Variants in VDAC1 observed in about 807,000 individuals in gnomAD.
VDAC1 encodes non-selective voltage-gated ion channel VDAC1.
A neutral mutation model predicts 34.7 loss-of-function variants in VDAC1; 10 were observed. The ratio of observed to expected loss-of-function variants is 0.29; its 90% CI spans 0.18 to 0.49. The LOEUF (loss-of-function observed/expected upper bound fraction) is 0.49, where lower values mean the gene tolerates loss of function less well. Among genes scored for constraint, VDAC1 ranks in the 20% least tolerant of loss-of-function variants. The probability of loss-of-function intolerance (pLI) is 0.99; values close to 1 mark genes in which losing one functional copy is unlikely to be tolerated. For synonymous variants in VDAC1, 130 were observed against 136.0 expected, an observed-to-expected ratio of 0.96 and a Z score of 0.30; for missense variants, 230 against 347.9, an observed-to-expected ratio of 0.66 and a Z score of 2.69.
chr5:134,019,445 T>C, the VDAC1 span, among the ~76,000 whole-genome samples: 1 of 152,030 alleles, frequency 6.6e-6, no homozygotes, highest in African/African-American at 2.4e-5. Flanking sequence ...CCAGATATGG[T>C]GGTGAACACC....
At chr5:134,043,344 C>T in the VDAC1 span, among the ~76,000 whole-genome samples, 2 of 152,122 alleles carry the variant, frequency 1.3e-5, no homozygotes, top group Non-Finnish European at 2.9e-5. Flanking sequence ...AGCAAAGCAA[C>T]GTACTCCAGG....
the VDAC1 span, among the ~76,000 whole-genome samples, chr5:134,069,203 T>C: frequency 6.6e-6 from 1 of 152,070 alleles, no homozygotes; most frequent in Non-Finnish European, 1.5e-5. Context: ...AACAAAAACT[T>C]CAAAGGATCA....
chr5:134,096,518 T>C, the VDAC1 span, among the ~76,000 whole-genome samples: 1 of 152,236 alleles, frequency 6.6e-6, no homozygotes, highest in Non-Finnish European at 1.5e-5. Flanking sequence ...ATCTCTCCTT[T>C]ATCTAGCCAA....
upstream of VDAC1, among the ~76,000 whole-genome samples, chr5:134,008,181 A>G (rs1753786124): frequency 7.0e-6 from 1 of 143,668 alleles, no homozygotes; most frequent in Non-Finnish European, 1.5e-5. Context: ...GCAGGGATGG[A>G]CCAATGAGAC....
the VDAC1 span, among the ~76,000 whole-genome samples, chr5:134,047,199 A>G: frequency 1.3e-5 from 2 of 152,148 alleles, no homozygotes; most frequent in South Asian, 2.1e-4. Context: ...GGGTCATAGA[A>G]AGGGAACAAA....
chr5:134,104,367 G>A, the VDAC1 span, among the ~76,000 whole-genome samples: 3 of 152,246 alleles, frequency 2.0e-5, no homozygotes, highest in Non-Finnish European at 2.9e-5. Context: ...ATCCCTGAGC[G>A]GGTGAGAATC....
chr5:134,102,565 G>A, the VDAC1 span, among the ~76,000 whole-genome samples: 4 of 152,248 alleles, frequency 2.6e-5, no homozygotes, highest in African/African-American at 9.6e-5. Context: ...CTACTCGGGA[G>A]GCTGAGGCAG....
intron 6 of VDAC1, among the ~76,000 whole-genome samples, chr5:133,980,150 T>A (rs1427064238): frequency 6.6e-6 from 1 of 152,238 alleles, no homozygotes; most frequent in Non-Finnish European, 1.5e-5. Flanking sequence ...TAAAACAAGA[T>A]TCATGAATGA....
the VDAC1 span, among the ~76,000 whole-genome samples, chr5:134,092,799 A>G: frequency 6.6e-6 from 1 of 152,142 alleles, no homozygotes; most frequent in East Asian, 1.9e-4. Flanking sequence ...CAAAGGTATT[A>G]TACTTATAGG....
rs141501795 is a variant in VDAC1 at position 133,976,015 on chromosome 5, G to A, written c.558C>T (p.Asp186=). The change falls in exon 7 of 9, where the codon GAC becomes GAT. Residue 186 remains aspartate (D), a synonymous_variant. Transcript: ENST00000265333. The part of the protein sequence containing the change: ...DEFQLHTNVN[D]GTEFGGSIYQ... ...AAATGGAGCCGCCAAACTCTGTCCC[G>A]TCATTCCTGCAAACAAGCACAGGAC... 168 of 1,614,086 alleles carry A rather than the reference G, an allele frequency of 1.0e-4. No individual in the cohort carries two copies. In the African/African-American group the frequency reaches 1.2e-3, roughly 12 times the overall value.
At chr5:134,058,463 G>A in the VDAC1 span, among the ~76,000 whole-genome samples, 3 of 151,966 alleles carry the variant, frequency 2.0e-5, no homozygotes, top group African/African-American at 4.8e-5. Context: ...ACAGGCACCC[G>A]CCACCACACC....
chr5:134,090,582 T>C, the VDAC1 span, among the ~76,000 whole-genome samples: 1 of 152,120 alleles, frequency 6.6e-6, no homozygotes, highest in Non-Finnish European at 1.5e-5. Context: ...TTGGCTGTCC[T>C]CCCACCCTCA....
At chr5:133,987,430 CA>C in intron 5 of VDAC1, among the ~76,000 whole-genome samples, 1 of 152,248 alleles carries the variant, frequency 6.6e-6, no homozygotes, top group Admixed American at 6.5e-5. Flanking sequence ...GTAATCCCAA[CA>C]ATTTGGGAGG....
At chr5:134,008,902 T>G (rs1163794614), upstream of VDAC1, among the ~76,000 whole-genome samples, 1 of 152,148 alleles carries the variant, frequency 6.6e-6, no homozygotes, top group East Asian at 1.9e-4. Flanking sequence ...GTAGGAAGAA[T>G]CAAGATGGCG....
the VDAC1 span, among the ~76,000 whole-genome samples, chr5:134,104,730 C>A: frequency 7.9e-5 from 12 of 152,322 alleles, no homozygotes; most frequent in Non-Finnish European, 1.6e-4. Context: ...TGGGGAAACC[C>A]TTTAAGATGT....
chr5:133,976,522 GC>G (rs1350686462), intron 6 of VDAC1, among the ~76,000 whole-genome samples: 3 of 151,520 alleles, frequency 2.0e-5, no homozygotes, highest in African/African-American at 7.3e-5. Flanking sequence ...AAAAGAAAAA[GC>G]CAGGGGAGAG....
At chr5:134,026,262 C>T in the VDAC1 span, among the ~76,000 whole-genome samples, 1 of 152,098 alleles carries the variant, frequency 6.6e-6, no homozygotes, top group Non-Finnish European at 1.5e-5. Flanking sequence ...AATCCCAGCA[C>T]TTTGGGAGGC....
At chr5:134,081,691 C>T in the VDAC1 span, among the ~76,000 whole-genome samples, 1 of 148,400 alleles carries the variant, frequency 6.7e-6, no homozygotes, top group Non-Finnish European at 1.5e-5. Context: ...CTTAGAACCT[C>T]CCACTCAGCT....
At chr5:134,085,019 G>T in the VDAC1 span, among the ~76,000 whole-genome samples, 1 of 151,874 alleles carries the variant, frequency 6.6e-6, no homozygotes, top group Admixed American at 6.6e-5. Context: ...GGGTCCTTGG[G>T]CACAAGACAA....
Sources: gnomAD v4.1 joint callset for allele counts (sites outside exome capture counted in the v4.1 genomes callset) on GRCh38, gnomAD v4.1.1 for gene constraint, MANE v1.5 for transcripts, NCBI Gene and HGNC (gene_info 2026-07-23, HGNC 2026-07-21) for gene names.